Variants in DGKH observed in about 807,000 individuals in gnomAD.
DGKH encodes the protein diacylglycerol kinase eta, also known as DAG kinase eta.
In DGKH, 90 loss-of-function variants were observed where a neutral mutation model predicts 159.3. That is an observed-to-expected ratio of 0.57 (90% CI 0.48 to 0.67). The LOEUF (loss-of-function observed/expected upper bound fraction) is 0.67, where lower values mean the gene tolerates loss of function less well. Ranked by LOEUF, DGKH falls within the 30% of genes least tolerant of loss-of-function variation. The probability of loss-of-function intolerance (pLI) is 0.00; values close to 1 mark genes in which losing one functional copy is unlikely to be tolerated. For synonymous variants in DGKH, 536 were observed against 553.8 expected, an observed-to-expected ratio of 0.97 and a Z score of 0.45; for missense variants, 1,181 against 1,506.1, an observed-to-expected ratio of 0.78 and a Z score of 3.57.
At chr13:42,173,925 A>G in intron 11 of DGKH, 135 bp from the exon 12 acceptor site, 1 of 496,382 alleles carries the variant, frequency 2.0e-6, no homozygotes, top group African/African-American at 2.0e-5. Flanking sequence ...AAGATAAAAT[A>G]AACCATAGTT....
intron 16 of DGKH, 67 bp from the exon 17 acceptor site, chr13:42,194,818 T>G: frequency 6.6e-7 from 1 of 1,511,456 alleles, no homozygotes; most frequent in Non-Finnish European, 8.9e-7. Context: ...GTTTTAAATT[T>G]ATAGGAACGT....
chr13:42,155,930 G>GAA, intron 5 of DGKH, 131 bp downstream of exon 5: 10 of 989,662 alleles, frequency 1.0e-5, no homozygotes, highest in East Asian at 5.9e-5. Context: ...TTTTGCTCAG[G>GAA]AAAAAAAAAC....
Position 42,160,035 on chromosome 13 carries a change from G to GCCTGT in DGKH, c.754_755insCCTGT (p.Glu252AlafsTer8). ...GGTCGCGATGCCTCACCAGTGGCTT[G>GCCTGT]AGGGCAACCTGCCTGTAAGTGCCAA... On this transcript the variant is annotated frameshift_variant, in exon 7 of 30. Coordinates refer to ENST00000337343, the MANE Select transcript of DGKH (RefSeq NM_178009.5). LOFTEE classifies it high-confidence loss of function. 2.5e-6 allele frequency: 4 copies of GCCTGT among 1,612,772 alleles called. No homozygotes were observed. Among genetic ancestry groups the GCCTGT allele is most frequent in the Non-Finnish European group, 3.4e-6 (4 of 1,179,846 alleles).
In DGKH at chr13:42,241,802, G is replaced by A. The variant is rs919310639; in HGVS notation, c.*12614G>A. 7.9e-5 allele frequency: 12 copies of A among 152,178 alleles called. No individual in the cohort carries two copies. The highest frequency in any genetic ancestry group is 2.9e-4 in the African/African-American group (12 of 41,458). The allele number at this position is 152,178 out of a possible 1,614,324, so 9.4% of individuals were successfully genotyped here. ...TATAGTAAATATTACTAGTACTTGT[G>A]TGCCATGAGGCACTAATACATAGGT... On this transcript the variant is annotated 3_prime_UTR_variant, in exon 30 of 30. Coordinates refer to ENST00000337343, the MANE Select transcript of DGKH (RefSeq NM_178009.5).
At chr13:42,108,443 G>T (rs1355280589) in intron 1 of DGKH, among the ~76,000 whole-genome samples, 1 of 152,172 alleles carries the variant, frequency 6.6e-6, no homozygotes, top group Non-Finnish European at 1.5e-5. Context: ...CCACGGGAAG[G>T]TGCTGAATTC....
chr13:42,138,788 T>G (rs1955462818), intron 3 of DGKH, among the ~76,000 whole-genome samples: 1 of 152,210 alleles, frequency 6.6e-6, no homozygotes, highest in Admixed American at 6.5e-5. Flanking sequence ...AGATGACTGA[T>G]AGCAGCAAAC....
At chr13:42,243,326 G>T (rs1355205351), downstream of DGKH, among the ~76,000 whole-genome samples, 8 of 152,046 alleles carry the variant, frequency 5.3e-5, no homozygotes, top group African/African-American at 1.9e-4. Context: ...TGTGTGTATT[G>T]ATAGTTCATT....
At chr13:42,135,695 C>A (rs1035085893) in intron 3 of DGKH, among the ~76,000 whole-genome samples, 1 of 151,914 alleles carries the variant, frequency 6.6e-6, no homozygotes, top group African/African-American at 2.4e-5. Context: ...TAACATAGCC[C>A]TATGCTGTAT....
intron 1 of DGKH, among the ~76,000 whole-genome samples, chr13:42,049,321 G>A (rs1046015873): frequency 1.4e-4 from 21 of 152,200 alleles, no homozygotes; most frequent in Non-Finnish European, 2.4e-4. Flanking sequence ...CCCGCGGCTC[G>A]GCGGGAGCGT....
At chr13:42,191,475 A>G (rs2138117122) in intron 16 of DGKH, among the ~76,000 whole-genome samples, 1 of 152,278 alleles carries the variant, frequency 6.6e-6, no homozygotes, top group Non-Finnish European at 1.5e-5. Flanking sequence ...AAACCTGCAC[A>G]TGTCCCCCTG....
At chr13:42,194,775 C>T (rs924528649) in intron 16 of DGKH, 110 bp from the exon 17 acceptor site, 32 of 1,280,534 alleles carry the variant, frequency 2.5e-5, no homozygotes, top group Non-Finnish European at 3.4e-5. Flanking sequence ...ATAATATTTT[C>T]ATTTCTACTG....
chr13:42,187,105 A>C lies in DGKH; in HGVS notation c.1595A>C (p.Lys532Thr). 6.2e-7 allele frequency: 1 copy of C among 1,614,180 alleles called. No homozygotes were observed. Among genetic ancestry groups the C allele is most frequent in the Non-Finnish European group, 8.5e-7 (1 of 1,180,016 alleles). The change falls in exon 14 of 30, where the codon AAA becomes ACA. Residue 532 changes from lysine to threonine, a missense_variant. Lys to Thr is a moderately conservative substitution (Grantham distance 78, BLOSUM62 -1). This residue lies in a region of DGKH where 257 missense variants were observed against 281.5 expected (regional missense o/e 0.91). Transcript: ENST00000337343. ...GCCAAAGTAGAAAAGACGTATGACA[A>C]AACCTTGGAAAATGCCGTTGTAGCT... ...FVAKVEKTYD[K>T]TLENAVVADA...
chr13:42,087,599 A>T (rs1020760333), intron 1 of DGKH, among the ~76,000 whole-genome samples: 8 of 152,228 alleles, frequency 5.3e-5, no homozygotes, highest in Non-Finnish European at 8.8e-5. Context: ...CTCAGATTCA[A>T]CTTCTAGTGA....
chr13:42,093,823 A>G (rs1232579220), intron 1 of DGKH, among the ~76,000 whole-genome samples: 1 of 152,156 alleles, frequency 6.6e-6, no homozygotes, highest in Non-Finnish European at 1.5e-5. Context: ...TTACAAAGAC[A>G]GAAAGTAGGA....
chr13:42,222,181 G>A (rs141314565), intron 29 of DGKH, among the ~76,000 whole-genome samples: 3 of 152,274 alleles, frequency 2.0e-5, no homozygotes, highest in East Asian at 1.9e-4. Context: ...ATTTTGTCAC[G>A]TTGTATTTTC....
In DGKH at chr13:42,256,059, T is replaced by C. The variant is rs17646274; in HGVS notation, n.4128-225T>C. ...CTGGGTTCTGGCCCTTGGTCAGGTC[T>C]GGGAGAACTGATCTTGCCTGAAAAT... On this transcript the variant is annotated intron_variant and non_coding_transcript_variant, in intron 30 of 30. Transcript: ENST00000498255. 6.8e-3 allele frequency: 9,141 copies of C among 1,347,372 alleles called. 184 individuals carry two copies. The highest frequency in any genetic ancestry group is 0.037 in the South Asian group (3,142 of 85,678). The allele number at this position is 1,347,372 out of a possible 1,614,324, so 83.5% of individuals were successfully genotyped here.
chr13:42,245,265 G>C (rs190371698), downstream of DGKH, among the ~76,000 whole-genome samples: 1 of 152,332 alleles, frequency 6.6e-6, no homozygotes, highest in Non-Finnish European at 1.5e-5. Context: ...ACCAACACTT[G>C]ACGGTTGTTG....
intron 1 of DGKH, among the ~76,000 whole-genome samples, chr13:42,086,224 A>C (rs896081575): frequency 7.9e-5 from 12 of 152,228 alleles, no homozygotes; most frequent in Admixed American, 6.5e-4. Flanking sequence ...AGCAAACCTT[A>C]AATTTCTTAT....
Position 42,251,502 on chromosome 13 carries a change from G to C in DGKH, n.4055-907G>C, listed in dbSNP as rs431017. On this transcript the variant is annotated intron_variant and non_coding_transcript_variant, in intron 29 of 30. Coordinates refer to the DGKH transcript ENST00000498255. ...CAGTCTCTGATAACTTCATCCCTTT[G>C]GTATTAACTGAAATCACTTCTTCCC... Among the ~76,000 whole-genome samples the C allele has an allele frequency of 8.2e-3, 1,238 of 151,834 alleles. 13 individuals carry two copies. Among genetic ancestry groups the C allele is most frequent in the African/African-American group, 0.028 (1,174 of 41,382 alleles).
Sources: allele counts gnomAD v4.1 joint callset (sites outside exome capture counted in the v4.1 genomes callset), GRCh38; gene constraint gnomAD v4.1.1; regional missense constraint gnomAD v4.1.1; transcripts MANE v1.5; gene names NCBI Gene and HGNC (gene_info 2026-07-23, HGNC 2026-07-21).